Variants in LNPK observed in about 807,000 individuals in gnomAD.
LNPK encodes endoplasmic reticulum junction formation protein lunapark.
Under a neutral mutation model 55.2 loss-of-function variants are expected in LNPK, and 29 were observed. The observed-to-expected ratio is 0.53, with a 90% CI of 0.39 to 0.72. The LOEUF (loss-of-function observed/expected upper bound fraction) is 0.72, where lower values mean the gene tolerates loss of function less well. Ranked by LOEUF, LNPK falls within the 30% of genes least tolerant of loss-of-function variation. The pLI is 0.00. For synonymous variants in LNPK, 162 were observed against 168.2 expected (o/e 0.96, Z 0.29); for missense variants, 467 against 494.8 (o/e 0.94, Z 0.53).
At position 175,964,553 on chromosome 2, in the gene LNPK, C is replaced by T; in HGVS notation, c.394G>A (p.Ala132Thr). The stretch of plus-strand genomic sequence containing the variant: ...TCAAACCTTTCAAGAATTAATTTAG[C>T]CGTCTTGTAAGTTTCTTTTTCCATG... The part of the protein sequence containing the change: ...EVMEKETYKT[A>T]KLILERFDPD... Residue 132 changes from alanine to threonine, a missense_variant, in exon 7 of 13, where the codon GCT becomes ACT. Transcript: ENST00000272748. 6.2e-7 allele frequency: 1 copy of T among 1,610,704 alleles called. No homozygotes were observed. The highest frequency in any genetic ancestry group is 8.5e-7 in the Non-Finnish European group (1 of 1,177,808).
intron 4 of LNPK, among the ~76,000 whole-genome samples, chr2:175,989,404 A>G (rs1687584388): frequency 6.6e-6 from 1 of 152,188 alleles, no homozygotes; most frequent in Non-Finnish European, 1.5e-5. Flanking sequence ...TATGATGATG[A>G]TCAGTCTCTA....
chr2:175,974,484 G>A (rs754806083), intron 5 of LNPK, among the ~76,000 whole-genome samples: 1 of 152,080 alleles, frequency 6.6e-6, no homozygotes, highest in Non-Finnish European at 1.5e-5. Context: ...TGCTATTGTA[G>A]GATGAACGCA....
At chr2:175,976,408 G>C in intron 5 of LNPK, among the ~76,000 whole-genome samples, 1 of 152,194 alleles carries the variant, frequency 6.6e-6, no homozygotes, top group Middle Eastern at 3.2e-3. Context: ...AATCAAAATA[G>C]CTCCCAGGCT....
intron 5 of LNPK, among the ~76,000 whole-genome samples, chr2:175,979,511 T>C (rs1687071195): frequency 6.6e-6 from 1 of 151,636 alleles, no homozygotes; most frequent in Admixed American, 6.6e-5. Context: ...TGAGCCGAGA[T>C]CGTGCCACTG....
At chr2:175,976,638 TC>T (rs1686925429) in intron 5 of LNPK, among the ~76,000 whole-genome samples, 1 of 152,202 alleles carries the variant, frequency 6.6e-6, no homozygotes, top group Non-Finnish European at 1.5e-5. Flanking sequence ...TGCTTCTCCC[TC>T]CAGTGAGTGA....
chr2:175,972,496 G>A (rs1686706461), intron 5 of LNPK, among the ~76,000 whole-genome samples: 1 of 152,054 alleles, frequency 6.6e-6, no homozygotes, highest in African/African-American at 2.4e-5. Flanking sequence ...TCAGATTTGG[G>A]ATGTTCAACC....
At chr2:175,962,178 T>C (rs1686072246) in intron 8 of LNPK, among the ~76,000 whole-genome samples, 1 of 152,196 alleles carries the variant, frequency 6.6e-6, no homozygotes, top group African/African-American at 2.4e-5. Context: ...ACCAGTGACT[T>C]TCTTCGCAGA....
chr2:175,962,932 C>T (rs1380826302), intron 8 of LNPK, among the ~76,000 whole-genome samples: 25 of 149,076 alleles, frequency 1.7e-4, no homozygotes, highest in African/African-American at 6.2e-4. Flanking sequence ...GACATTTATG[C>T]AGCCAAAAAA....
intron 4 of LNPK, 69 bp downstream of exon 4, chr2:175,992,162 A>G (rs1233787361): frequency 5.3e-6 from 5 of 941,082 alleles, no homozygotes; most frequent in African/African-American, 3.6e-5. Flanking sequence ...CCGAATATAC[A>G]TATTAGATAT....
chr2:175,988,260 G>T (rs1296312263), intron 4 of LNPK, among the ~76,000 whole-genome samples: 2 of 152,062 alleles, frequency 1.3e-5, no homozygotes, highest in Non-Finnish European at 2.9e-5. Context: ...CCAACACTTT[G>T]TGAGGCTGAG....
rs558648458 is a variant in LNPK at position 175,927,373 on chromosome 2, C to T, written c.*2594G>A. On this transcript the variant is annotated 3_prime_UTR_variant, in exon 13 of 13. Transcript: ENST00000272748. ...TTATGTTGTGAAGACAGTAAACTAG[C>T]AAACAAATCAAATACACATTGTGAT... 1 of 152,284 alleles carries T rather than the reference C, an allele frequency of 6.6e-6. No homozygotes were observed. The highest frequency in any genetic ancestry group is 2.1e-4 in the South Asian group (1 of 4,822). The allele number at this position is 152,284 out of a possible 1,614,324, so 9.4% of individuals were successfully genotyped here.
intron 8 of LNPK, among the ~76,000 whole-genome samples, chr2:175,959,161 G>A (rs1190372516): frequency 6.6e-6 from 1 of 152,172 alleles, no homozygotes; most frequent in Non-Finnish European, 1.5e-5. Context: ...TTATCCAGGA[G>A]AACTTTCCCA....
chr2:175,989,016 C>A (rs948262206), intron 4 of LNPK, among the ~76,000 whole-genome samples: 1 of 152,172 alleles, frequency 6.6e-6, no homozygotes, highest in Non-Finnish European at 1.5e-5. Flanking sequence ...ATCTCGTGAT[C>A]CGCCCGCCTG....
At position 175,948,361 on chromosome 2, in the gene LNPK, C is replaced by T. The variant is rs371948318; in HGVS notation, c.494-669G>A. 7.9e-5 allele frequency among the ~76,000 whole-genome samples: 12 copies of T among 152,224 alleles called. No homozygotes were observed. The South Asian group carries it at 8.3e-4, about 11-fold the overall frequency. ...AGCAAGCATGCCAAATTCAGGCTGC[C>T]GCCTGCTTTTGTAGTTTTATTAGAA... On this transcript the variant is annotated intron_variant, in intron 8 of 12. Coordinates refer to ENST00000272748, the MANE Select transcript of LNPK (RefSeq NM_030650.3).
rs765886998 is a variant in LNPK at position 175,937,645 on chromosome 2, AAAT to A, written c.884-134_884-132del. ...TTAAAAGTTACTGTGTATGTTATTT[AAAT>A]AATAATATGGTAGATGCTCTAAACA... On this transcript the variant is annotated intron_variant, in intron 11 of 12. Transcript: ENST00000272748. 159 of 605,390 alleles carry A rather than the reference AAAT, an allele frequency of 2.6e-4. 1 individual carries two copies. Among genetic ancestry groups the A allele is most frequent in the Middle Eastern group, 1.3e-3 (3 of 2,306 alleles). 37.5% of individuals were successfully genotyped at this position (605,390 alleles called of 1,614,324 possible). A position where few individuals can be genotyped will look rare whatever the true frequency, so the allele number is the denominator to read the frequency against.
At chr2:175,996,219 A>G (rs1687925682) in intron 1 of LNPK, among the ~76,000 whole-genome samples, 1 of 152,130 alleles carries the variant, frequency 6.6e-6, no homozygotes, top group African/African-American at 2.4e-5. Context: ...GTATATTCTT[A>G]CCACTTTGCA....
chr2:175,929,608 T>C lies in LNPK; in HGVS notation c.*359A>G. On this transcript the variant is annotated 3_prime_UTR_variant, in exon 13 of 13. Coordinates refer to ENST00000272748, the MANE Select transcript of LNPK (RefSeq NM_030650.3). ...CTTAAAACAAACACAATTAGAGAAC[T>C]TACTCTTAACCAAAGTTCTTCCTAT... is the stretch of plus-strand genomic sequence containing the variant. 5 of 1,021,292 alleles carry C rather than the reference T, an allele frequency of 4.9e-6. No individual in the cohort carries two copies. The highest frequency in any genetic ancestry group is 5.9e-6 in the Non-Finnish European group (5 of 852,758). The allele number at this position is 1,021,292 out of a possible 1,614,324, so 63.3% of individuals were successfully genotyped here. A position where few individuals can be genotyped will look rare whatever the true frequency, so the allele number is the denominator to read the frequency against.
At chr2:175,999,683 T>C (rs1261963598) in intron 1 of LNPK, among the ~76,000 whole-genome samples, 3 of 152,196 alleles carry the variant, frequency 2.0e-5, no homozygotes, top group Admixed American at 6.5e-5. Context: ...CCCATGAACA[T>C]GTACAGAGTG....
At chr2:175,987,416 C>A (rs1041183720) in intron 4 of LNPK, among the ~76,000 whole-genome samples, 2 of 152,066 alleles carry the variant, frequency 1.3e-5, no homozygotes, top group Non-Finnish European at 2.9e-5. Context: ...AGCAAACTAT[C>A]GCAAGGACAA....
Sources: gnomAD v4.1 joint callset for allele counts (sites outside exome capture counted in the v4.1 genomes callset) on GRCh38, gnomAD v4.1.1 for gene constraint, MANE v1.5 for transcripts, NCBI Gene and HGNC (gene_info 2026-07-23, HGNC 2026-07-21) for gene names.